The following ST7 variants were observed in gnomAD, a reference collection of about 807,000 sequenced individuals.
ST7 encodes the protein suppressor of tumorigenicity 7 protein.
In ST7, 28 loss-of-function variants were observed where a neutral mutation model predicts 78.7. That is an observed-to-expected ratio of 0.36 (90% CI 0.26 to 0.49). The LOEUF (loss-of-function observed/expected upper bound fraction) is 0.49. Among genes scored for constraint, ST7 ranks in the 20% least tolerant of loss-of-function variants. The pLI is 0.99. For synonymous variants in ST7, 247 were observed against 249.6 expected, an observed-to-expected ratio of 0.99 and a Z score of 0.10; for missense variants, 418 against 696.0, an observed-to-expected ratio of 0.60 and a Z score of 4.49.
At chr7:116,958,490 C>G in intron 1 of ST7, 2 of 349,110 alleles carry the variant, frequency 5.7e-6, no homozygotes, top group South Asian at 4.5e-5. Context: ...GATTTCCCTT[C>G]TAGAGGGTCT....
intron 10 of ST7, among the ~76,000 whole-genome samples, chr7:117,179,771 G>A (rs1163257588): frequency 6.6e-6 from 1 of 152,088 alleles, no homozygotes; most frequent in African/African-American, 2.4e-5. Context: ...GAGAGGCCTG[G>A]GGCAATTTCA....
chr7:117,102,325 C>T (rs891922559), intron 2 of ST7, among the ~76,000 whole-genome samples: 2 of 152,118 alleles, frequency 1.3e-5, no homozygotes, highest in African/African-American at 2.4e-5. Flanking sequence ...TTCTACTTAA[C>T]CTGTTGAGGA....
intron 1 of ST7, among the ~76,000 whole-genome samples, chr7:117,032,466 G>A (rs1251584874): frequency 6.6e-6 from 1 of 151,848 alleles, no homozygotes; most frequent in Non-Finnish European, 1.5e-5. Context: ...TTGAGTTATC[G>A]ACCTTTTTGA....
intron 10 of ST7, among the ~76,000 whole-genome samples, chr7:117,188,998 A>T (rs183527061): frequency 6.6e-6 from 1 of 152,188 alleles, no homozygotes; most frequent in Non-Finnish European, 1.5e-5. Flanking sequence ...AAGGATATTC[A>T]TGTGATATCT....
chr7:117,071,775 T>A (rs565717549), intron 1 of ST7, among the ~76,000 whole-genome samples: 2 of 152,302 alleles, frequency 1.3e-5, no homozygotes, highest in African/African-American at 4.8e-5. Flanking sequence ...TCTCCAGATG[T>A]CATTAGTTAG....
At chr7:117,185,559 G>A (rs1039045369) in intron 10 of ST7, among the ~76,000 whole-genome samples, 1 of 152,214 alleles carries the variant, frequency 6.6e-6, no homozygotes, top group Admixed American at 6.5e-5. Context: ...TGAAACCATG[G>A]AGAATACTGA....
chr7:117,133,787 A>G (rs151013550), intron 6 of ST7, among the ~76,000 whole-genome samples: 1 of 151,944 alleles, frequency 6.6e-6, no homozygotes, highest in Non-Finnish European at 1.5e-5. Context: ...CCATCATTAC[A>G]TGCCCTCTTT....
chr7:117,123,114 T>C (rs1803536570), intron 3 of ST7, among the ~76,000 whole-genome samples: 1 of 152,138 alleles, frequency 6.6e-6, no homozygotes, highest in South Asian at 2.1e-4. Context: ...AAATATAACA[T>C]GGCTCACAAA....
intron 1 of ST7, among the ~76,000 whole-genome samples, chr7:117,004,717 C>T (rs554663669): frequency 1.0e-3 from 158 of 152,164 alleles, no homozygotes; most frequent in Non-Finnish European, 2.0e-3. Context: ...AAAATGACTA[C>T]GAACTCTCAT....
Position 117,120,148 on chromosome 7 carries a change from TC to T in ST7, c.394+429del, listed in dbSNP as rs1584716440. Among the ~76,000 whole-genome samples, 3 of 152,264 alleles carry T rather than the reference TC, an allele frequency of 2.0e-5. No homozygotes were observed. The East Asian group carries it at 5.8e-4, about 29-fold the overall frequency. On this transcript the variant is annotated intron_variant, in intron 3 of 15. Coordinates refer to ENST00000323984, the MANE Select transcript of ST7 (RefSeq NM_001369598.1). ...TTTCGCTATGTTGTCTAGACTGGTC[TC>T]AAACTCCTGGGCTCAAGTAATCTGC...
intron 13 of ST7, among the ~76,000 whole-genome samples, chr7:117,214,716 A>G (rs1792552657): frequency 6.6e-6 from 1 of 151,864 alleles, no homozygotes; most frequent in African/African-American, 2.4e-5. Flanking sequence ...CCTTTCCTTT[A>G]TTCCGTCTCG....
chr7:117,086,604 A>G (rs1015026408), intron 1 of ST7, among the ~76,000 whole-genome samples: 1 of 152,156 alleles, frequency 6.6e-6, no homozygotes, highest in Non-Finnish European at 1.5e-5. Context: ...TTTATTAGGG[A>G]TGAATTTAGC....
chr7:117,106,280 G>C (rs1240596409), intron 2 of ST7, among the ~76,000 whole-genome samples: 1 of 152,138 alleles, frequency 6.6e-6, no homozygotes, highest in African/African-American at 2.4e-5. Context: ...TTACAGGCGT[G>C]AGCCACCGCA....
At chr7:117,026,271 A>G (rs1008828261) in intron 1 of ST7, among the ~76,000 whole-genome samples, 1 of 152,214 alleles carries the variant, frequency 6.6e-6, no homozygotes, top group African/African-American at 2.4e-5. Flanking sequence ...TAAATTTTCA[A>G]TATGAGACTA....
intron 1 of ST7, among the ~76,000 whole-genome samples, chr7:116,989,521 T>G (rs539033562): frequency 8.8e-4 from 134 of 152,268 alleles, no homozygotes; most frequent in East Asian, 1.7e-3. Flanking sequence ...GAGTTTTTTT[T>G]TTTTGTTTTG....
At chr7:117,216,011 C>T (rs1001016516) in intron 13 of ST7, among the ~76,000 whole-genome samples, 1 of 151,980 alleles carries the variant, frequency 6.6e-6, no homozygotes, top group Non-Finnish European at 1.5e-5. Flanking sequence ...CATTAGAAGT[C>T]ATTGGGAAAA....
At chr7:117,221,358 A>G (rs1793075402) in intron 14 of ST7, among the ~76,000 whole-genome samples, 1 of 152,110 alleles carries the variant, frequency 6.6e-6, no homozygotes. Context: ...ATAGACCTAC[A>G]TGTGAGGTCC....
At chr7:117,145,105 G>A (rs1805653473) in intron 9 of ST7, among the ~76,000 whole-genome samples, 1 of 152,032 alleles carries the variant, frequency 6.6e-6, no homozygotes, top group Admixed American at 6.5e-5. Flanking sequence ...TGCTTGAGAG[G>A]CTGAAGCAGG....
intron 1 of ST7, among the ~76,000 whole-genome samples, chr7:117,056,258 T>C (rs1798058417): frequency 6.6e-6 from 1 of 152,192 alleles, no homozygotes; most frequent in Non-Finnish European, 1.5e-5. Flanking sequence ...ATGGGAAAGC[T>C]GTGCCAGGTG....
Sources: allele counts gnomAD v4.1 joint callset (sites outside exome capture counted in the v4.1 genomes callset), GRCh38; gene constraint gnomAD v4.1.1; transcripts MANE v1.5; gene names NCBI Gene and HGNC (gene_info 2026-07-23, HGNC 2026-07-21).